KY: variants seen among roughly 807,000 people sequenced by gnomAD.
KY encodes kyphoscoliosis peptidase.
A neutral mutation model predicts 76.1 loss-of-function variants in KY; 43 were observed. That is an observed-to-expected ratio of 0.57 (90% CI 0.44 to 0.73). KY has a LOEUF of 0.73. Among genes scored for constraint, KY ranks in the 30% least tolerant of loss-of-function variants. The probability of loss-of-function intolerance (pLI) is 0.00; values close to 1 mark genes in which losing one functional copy is unlikely to be tolerated. For missense variants in KY, 722 were observed against 828.9 expected, an observed-to-expected ratio of 0.87 and a Z score of 1.58; for synonymous variants, 277 against 326.2, an observed-to-expected ratio of 0.85 and a Z score of 1.63.
chr3:134,620,705 G>A (rs936553096), intron 7 of KY, 44 bp downstream of exon 7: 6 of 1,402,546 alleles, frequency 4.3e-6, no homozygotes, highest in Non-Finnish European at 6.0e-6. Context: ...GCAGGGAATG[G>A]AAGCAAGGGA....
In KY at chr3:134,610,184, C is replaced by G; in HGVS notation, c.899+11G>C. 1 of 1,609,314 alleles carries G rather than the reference C, an allele frequency of 6.2e-7. No homozygotes were observed. The highest frequency in any genetic ancestry group is 8.5e-7 in the Non-Finnish European group (1 of 1,177,410). Reference sequence around the variant, plus strand: ...TGCCAGACGCCCAGCAGAACTGAGACAAGTACTTACAGGAAGGTGAATTTG... The same window carrying G: ...TGCCAGACGCCCAGCAGAACTGAGAGAAGTACTTACAGGAAGGTGAATTTG... On this transcript the variant is annotated intron_variant, in intron 9 of 10. Coordinates refer to ENST00000423778, the MANE Select transcript of KY (RefSeq NM_178554.6).
chr3:134,647,983 G>A (rs571816336), intron 1 of KY, among the ~76,000 whole-genome samples: 3 of 152,274 alleles, frequency 2.0e-5, no homozygotes, highest in Admixed American at 6.5e-5. Context: ...GGGTAAACAC[G>A]TATGGCCTAG....
chr3:134,604,058 T>C lies in KY; in HGVS notation c.1507A>G (p.Ile503Val). ...TAGCGCCGCTGTGTCTCCTCAGTGA[T>C]GGGGCCATCATCCCCGTGGAGGGAA... ...LASLHGDDGP[I>V]TEETQRRYIF... The change falls in exon 11 of 11, where the codon ATC becomes GTC. Residue 503 changes from isoleucine to valine, a missense_variant. By Grantham distance (29) the Ile-to-Val change is conservative (BLOSUM62 3). Transcript: ENST00000423778. 6.2e-7 allele frequency: 1 copy of C among 1,613,920 alleles called. No homozygotes were observed. The highest frequency in any genetic ancestry group is 8.5e-7 in the Non-Finnish European group (1 of 1,179,842).
chr3:134,600,650 T>C lies in KY; in HGVS notation c.*2929A>G, dbSNP rs776310587. Reference sequence around the variant, plus strand: ...GGCCTGGGGGCTGCCATCCTGAGAATTGCAAGCAGATACTTTCTGAGTTTG... The same window carrying C: ...GGCCTGGGGGCTGCCATCCTGAGAACTGCAAGCAGATACTTTCTGAGTTTG... On this transcript the variant is annotated 3_prime_UTR_variant, in exon 11 of 11. Transcript: ENST00000423778. Among the ~76,000 whole-genome samples, 5 of 152,174 alleles carry C rather than the reference T, an allele frequency of 3.3e-5. No individual in the cohort carries two copies. The highest frequency in any genetic ancestry group is 1.3e-4 in the Admixed American group (2 of 15,282).
In KY at chr3:134,647,287, C is replaced by G. The variant is rs997203320; in HGVS notation, c.199+148G>C. On this transcript the variant is annotated intron_variant, in intron 2 of 10. Coordinates refer to ENST00000423778, the MANE Select transcript of KY (RefSeq NM_178554.6). Reference sequence around the variant, plus strand: ...GAACACTTCCCACAGTCACAGTGGCCCTTAGAGGCCTGGCTGGGTCAGGAG... The same window carrying G: ...GAACACTTCCCACAGTCACAGTGGCGCTTAGAGGCCTGGCTGGGTCAGGAG... The G allele has an allele frequency of 7.7e-6, 5 of 648,148 alleles. No individual in the cohort carries two copies. In the East Asian group the frequency reaches 1.5e-4, roughly 19 times the overall value. 40.1% of individuals were successfully genotyped at this position (648,148 alleles called of 1,614,324 possible).
intron 8 of KY, among the ~76,000 whole-genome samples, chr3:134,614,265 G>A (rs931752519): frequency 1.7e-4 from 26 of 152,090 alleles, no homozygotes; most frequent in African/African-American, 6.3e-4. Flanking sequence ...CCATCCCAGA[G>A]CCTAAAATAT....
chr3:134,637,114 C>G (rs1302313775), intron 3 of KY, among the ~76,000 whole-genome samples: 1 of 152,226 alleles, frequency 6.6e-6, no homozygotes, highest in Non-Finnish European at 1.5e-5. Context: ...CAAAGCATAG[C>G]TTTGAAGGGG....
chr3:134,649,790 T>C (rs1966841310), intron 1 of KY, among the ~76,000 whole-genome samples: 2 of 152,224 alleles, frequency 1.3e-5, no homozygotes, highest in Non-Finnish European at 2.9e-5. Flanking sequence ...GCAGCATTAC[T>C]TAAGCAAGGC....
At chr3:134,639,645 C>T (rs1965458418) in intron 3 of KY, among the ~76,000 whole-genome samples, 1 of 152,022 alleles carries the variant, frequency 6.6e-6, no homozygotes, top group East Asian at 1.9e-4. Context: ...AAAACTGACT[C>T]CTCAAGAATG....
At chr3:134,637,760 C>T (rs1965168945) in intron 3 of KY, among the ~76,000 whole-genome samples, 1 of 152,244 alleles carries the variant, frequency 6.6e-6, no homozygotes, top group South Asian at 2.1e-4. Context: ...TCCTGCGTTA[C>T]ATGCCCTGAG....
intron 3 of KY, among the ~76,000 whole-genome samples, chr3:134,630,831 C>A (rs185967619): frequency 6.6e-6 from 1 of 152,160 alleles, no homozygotes; most frequent in East Asian, 1.9e-4. Context: ...AAACCAGCCA[C>A]AATAACATGC....
rs11927539 is a variant in KY, at chr3:134,600,606, C to T, written c.*2973G>A. On this transcript the variant is annotated 3_prime_UTR_variant, in exon 11 of 11. Transcript: ENST00000423778. ...CCTCTGCCCACCACTCCTCCACCCT[C>T]GGTTCCCTTCTGCCCTGTGGCCTGG... is the stretch of plus-strand genomic sequence containing the variant. Among the ~76,000 whole-genome samples, 1 of 151,408 alleles carries T rather than the reference C, an allele frequency of 6.6e-6. No individual in the cohort carries two copies. Among genetic ancestry groups the T allele is most frequent in the Admixed American group, 6.6e-5 (1 of 15,226 alleles).
intron 2 of KY, among the ~76,000 whole-genome samples, chr3:134,646,364 C>A (rs1024235593): frequency 6.6e-6 from 1 of 152,054 alleles, no homozygotes; most frequent in Admixed American, 6.5e-5. Context: ...GGACTCTTAC[C>A]AAAGGCAGGG....
chr3:134,615,062 G>C (rs1961281340), intron 8 of KY: 1 of 152,124 alleles, frequency 6.6e-6, no homozygotes, highest in South Asian at 2.1e-4. Flanking sequence ...TTATGTACTT[G>C]ATTTCTTATA....
At chr3:134,632,088 G>A (rs754564096) in intron 3 of KY, among the ~76,000 whole-genome samples, 1 of 151,960 alleles carries the variant, frequency 6.6e-6, no homozygotes, top group East Asian at 1.9e-4. Flanking sequence ...ATAGGCATAC[G>A]TCAAACAACA....
At chr3:134,610,553 G>A (rs969321148) in intron 8 of KY, 170 bp from the exon 9 acceptor site, 2 of 614,688 alleles carry the variant, frequency 3.3e-6, no homozygotes, top group East Asian at 2.8e-5. Context: ...TTTATCTCGG[G>A]GCACTGGGGA....
chr3:134,643,196 G>T, intron 3 of KY, 120 bp downstream of exon 3: 1 of 856,182 alleles, frequency 1.2e-6, no homozygotes, highest in South Asian at 1.6e-5. Flanking sequence ...ACACCCATGG[G>T]AGCAGAGAGG....
At chr3:134,648,023 A>G (rs1391150122) in intron 1 of KY, among the ~76,000 whole-genome samples, 3 of 152,084 alleles carry the variant, frequency 2.0e-5, no homozygotes, top group Non-Finnish European at 4.4e-5. Flanking sequence ...CCTGTGTTTC[A>G]CTCTGCCTTG....
intron 4 of KY, among the ~76,000 whole-genome samples, chr3:134,628,398 G>A (rs145914120): frequency 1.0e-3 from 152 of 152,342 alleles, no homozygotes; most frequent in Non-Finnish European, 1.7e-3. Context: ...TTTCCCTGCC[G>A]ATCTGGAACC....
Sources: allele counts gnomAD v4.1 joint callset (sites outside exome capture counted in the v4.1 genomes callset), GRCh38; gene constraint gnomAD v4.1.1; transcripts MANE v1.5; gene names NCBI Gene and HGNC (gene_info 2026-07-23, HGNC 2026-07-21).